ZNF808: variants seen among roughly 807,000 people sequenced by gnomAD.
ZNF808 encodes zinc finger protein 808.
ZNF808 carries 5 observed loss-of-function variants against 8.7 expected under a neutral mutation model. The ratio of observed to expected loss-of-function variants is 0.58; its 90% CI spans 0.30 to 1.21. ZNF808 has a LOEUF of 1.21. Ranked by LOEUF, ZNF808 falls within the 50% of genes most tolerant of loss-of-function variation. ZNF808 has a pLI of 0.07. For synonymous variants in ZNF808, 380 were observed against 366.0 expected, an observed-to-expected ratio of 1.04 and a Z score of -0.44; for missense variants, 1,103 against 1,098.4, an observed-to-expected ratio of 1.00 and a Z score of -0.06.
chr19:52,530,268 C>T (rs930143608), intron 1 of ZNF808, among the ~76,000 whole-genome samples: 6 of 152,044 alleles, frequency 3.9e-5, no homozygotes, highest in Non-Finnish European at 8.8e-5. Context: ...TCATGTTGGT[C>T]CAGGCTGGTC....
chr19:52,538,351 T>TATTATC (rs1479612086), intron 2 of ZNF808, among the ~76,000 whole-genome samples: 1 of 149,456 alleles, frequency 6.7e-6, no homozygotes. Context: ...TTATTATTAT[T>TATTATC]AGTTTTTTGA....
At position 52,553,876 on chromosome 19, in the gene ZNF808, T is replaced by C; in HGVS notation, c.960T>C (p.Cys320=). The C allele has an allele frequency of 1.2e-6, 2 of 1,614,162 alleles. No homozygotes were observed. The highest frequency in any genetic ancestry group is 1.7e-6 in the Non-Finnish European group (2 of 1,180,028). Residue 320 remains cysteine (C), a synonymous_variant, in exon 5 of 5, where the codon TGT becomes TGC. Coordinates refer to ENST00000359798, the MANE Select transcript of ZNF808 (RefSeq NM_001039886.4). ...TAAAACCTTACAAGTGTAATGAGTGTGGCAAGGTCTTTCGTCAAAATTCAG... is the reference window on the plus strand; with the variant it reads ...TAAAACCTTACAAGTGTAATGAGTGCGGCAAGGTCTTTCGTCAAAATTCAG... ...TGVKPYKCNE[C]GKVFRQNSAL...
downstream of ZNF808, among the ~76,000 whole-genome samples, chr19:52,561,163 TCTCTCTCTCTCTC>T (rs1568494869): frequency 0.021 from 1,430 of 66,684 alleles, 31 homozygotes; most frequent in African/African-American, 0.041. Flanking sequence ...ATCTGTTCTC[TCTCTCTCTCTCTC>T]TCTCTCTCTC....
At chr19:52,537,066 A>G (rs1250756446) in intron 2 of ZNF808, among the ~76,000 whole-genome samples, 4 of 152,096 alleles carry the variant, frequency 2.6e-5, no homozygotes, top group Non-Finnish European at 5.9e-5. Flanking sequence ...TATGCCTGTA[A>G]TGTCAGCTAT....
chr19:52,542,921 G>C (rs943475398), intron 2 of ZNF808, among the ~76,000 whole-genome samples: 3 of 150,510 alleles, frequency 2.0e-5, no homozygotes, highest in African/African-American at 4.9e-5. Flanking sequence ...TGATTCTCCT[G>C]CCTCAGCTTC....
chr19:52,560,357 A>T (rs1486679962), downstream of ZNF808, among the ~76,000 whole-genome samples: 2 of 152,024 alleles, frequency 1.3e-5, no homozygotes, highest in Non-Finnish European at 2.9e-5. Context: ...CGTCATAATT[A>T]TTAATATTAT....
intron 1 of ZNF808, among the ~76,000 whole-genome samples, chr19:52,529,892 CATATAT>C (rs536138507): frequency 7.3e-4 from 103 of 141,968 alleles, no homozygotes; most frequent in African/African-American, 2.6e-3. Flanking sequence ...AGCTAGTTTA[CATATAT>C]ATATATATAT....
At chr19:52,531,240 G>A (rs948962060) in intron 1 of ZNF808, among the ~76,000 whole-genome samples, 3 of 152,288 alleles carry the variant, frequency 2.0e-5, no homozygotes, top group East Asian at 1.9e-4. Context: ...TTGGAAGGCT[G>A]ATGTGGGCGA....
chr19:52,559,997 T>C (rs1568494515), downstream of ZNF808, among the ~76,000 whole-genome samples: 1 of 152,190 alleles, frequency 6.6e-6, no homozygotes, highest in Non-Finnish European at 1.5e-5. Context: ...GTTGTTATGA[T>C]TGTAAGTATT....
chr19:52,559,774 T>A (rs1349605810), downstream of ZNF808, among the ~76,000 whole-genome samples: 2 of 152,064 alleles, frequency 1.3e-5, no homozygotes, highest in Non-Finnish European at 2.9e-5. Flanking sequence ...TCACCCAGGA[T>A]GGAGTGCAGT....
At chr19:52,560,745 A>G (rs1161113515), downstream of ZNF808, among the ~76,000 whole-genome samples, 2 of 152,098 alleles carry the variant, frequency 1.3e-5, no homozygotes, top group East Asian at 1.9e-4. Flanking sequence ...TCCAAGCTCA[A>G]AACTTGGTCT....
intron 3 of ZNF808, among the ~76,000 whole-genome samples, chr19:52,545,380 T>C (rs1338994433): frequency 1.3e-5 from 2 of 152,210 alleles, no homozygotes; most frequent in Non-Finnish European, 2.9e-5. Flanking sequence ...GATAAGCCCA[T>C]GGTTTATGTA....
chr19:52,554,531 T>C lies in ZNF808; in HGVS notation c.1615T>C (p.Tyr539His). Residue 539 changes from tyrosine (Y) to histidine (H), a missense_variant, in exon 5 of 5, where the codon TAC becomes CAC. Tyr to His is a moderately conservative substitution (Grantham distance 83). Transcript: ENST00000359798. ...TAGACTTCACACTCTAGAGAAATCT[T>C]ACAAATGTACGGTTTGTAACAAGGT... The part of the protein sequence containing the change: ...HRRLHTLEKS[Y>H]KCTVCNKVFM... 6.2e-7 allele frequency: 1 copy of C among 1,614,162 alleles called. No homozygotes were observed. The highest frequency in any genetic ancestry group is 8.5e-7 in the Non-Finnish European group (1 of 1,180,012).
intron 3 of ZNF808, among the ~76,000 whole-genome samples, chr19:52,561,690 G>A (rs879025280): frequency 1.3e-5 from 2 of 151,946 alleles, no homozygotes; most frequent in Non-Finnish European, 2.9e-5. Flanking sequence ...TGGGATTACA[G>A]GCGTGTACCA....
chr19:52,553,038 A>T, intron 4 of ZNF808, 69 bp from the exon 5 acceptor site: 1 of 1,461,518 alleles, frequency 6.8e-7, no homozygotes. Context: ...TTTGTGTCAT[A>T]TTTACACACT....
intron 4 of ZNF808, among the ~76,000 whole-genome samples, chr19:52,548,103 A>G (rs1413037380): frequency 1.3e-5 from 2 of 152,138 alleles, no homozygotes; most frequent in African/African-American, 4.8e-5. Context: ...CGTTCATCCC[A>G]TAAACTAATG....
chr19:52,554,785 C>T lies in ZNF808; in HGVS notation c.1869C>T (p.Tyr623=). Residue 623 remains tyrosine, a synonymous_variant, in exon 5 of 5, where the codon TAC becomes TAT. Transcript: ENST00000359798. The part of the protein sequence containing the change: ...HKRIHTGEKP[Y]RCQVCDTAFT... ...GAATTCATACTGGAGAGAAACCATA[C>T]AGATGTCAGGTTTGTGACACAGCTT... 6.2e-7 allele frequency: 1 copy of T among 1,613,942 alleles called. No individual in the cohort carries two copies. The highest frequency in any genetic ancestry group is 8.5e-7 in the Non-Finnish European group (1 of 1,179,968).
At chr19:52,559,883 C>T (rs73578246), downstream of ZNF808, among the ~76,000 whole-genome samples, 773 of 152,180 alleles carry the variant, frequency 5.1e-3, 5 homozygotes, top group African/African-American at 0.017. Context: ...CACGCCACCA[C>T]GCTTGTAACG....
Position 52,554,939 on chromosome 19 carries a change from G to A in ZNF808, c.2023G>A (p.Gly675Arg), listed in dbSNP as rs1466233570. 8 of 1,614,182 alleles carry A rather than the reference G, an allele frequency of 5.0e-6. No homozygotes were observed. Among genetic ancestry groups the A allele is most frequent in the Middle Eastern group, 1.6e-4 (1 of 6,062 alleles). The change falls in exon 5 of 5, where the codon GGA (glycine) becomes AGA (arginine). Residue 675 changes from glycine (G) to arginine (R), a missense_variant. Gly to Arg is a moderately radical substitution (Grantham distance 125, BLOSUM62 -2). Transcript: ENST00000359798. ...SLVWHRRLHG[G>R]EKSYKCKVCD... ...TGTATGGCATCGTAGACTTCATGGTGGAGAGAAATCTTACAAATGTAAGGT... is the reference window on the plus strand; with the variant it reads ...TGTATGGCATCGTAGACTTCATGGTAGAGAGAAATCTTACAAATGTAAGGT...
Sources: gnomAD v4.1 joint callset for allele counts (sites outside exome capture counted in the v4.1 genomes callset) on GRCh38, gnomAD v4.1.1 for gene constraint, MANE v1.5 for transcripts, NCBI Gene and HGNC (gene_info 2026-07-23, HGNC 2026-07-21) for gene names.